PRPSAP1: variants seen among roughly 807,000 people sequenced by gnomAD.
The protein encoded by PRPSAP1 is phosphoribosyl pyrophosphate synthetase associated protein 1, also known as phosphoribosyl pyrophosphate synthase-associated protein 1.
A neutral mutation model predicts 39.4 loss-of-function variants in PRPSAP1; 31 were observed. The ratio of observed to expected loss-of-function variants is 0.79; its 90% CI spans 0.59 to 1.06. PRPSAP1 has a LOEUF of 1.06. PRPSAP1 is among the 50% of genes least tolerant of loss of function. The probability of loss-of-function intolerance (pLI) is 0.00; values close to 1 mark genes in which losing one functional copy is unlikely to be tolerated. For synonymous variants in PRPSAP1, 212 were observed against 192.6 expected (o/e 1.10, Z -0.83); for missense variants, 430 against 511.6 (o/e 0.84, Z 1.54).
chr17:76,320,146 T>C (rs911891316), intron 7 of PRPSAP1, among the ~76,000 whole-genome samples: 4 of 151,886 alleles, frequency 2.6e-5, no homozygotes, highest in African/African-American at 2.4e-5. Flanking sequence ...GGTGCATGCC[T>C]GTAATCCCAG....
chr17:76,329,364 CTGATTCTAGATAATTT>C (rs2071293917), intron 6 of PRPSAP1, among the ~76,000 whole-genome samples: 1 of 152,128 alleles, frequency 6.6e-6, no homozygotes, highest in African/African-American at 2.4e-5. Context: ...CCGCCTGGCC[CTGATTCTAGATAATTT>C]TGATTCTATC....
intron 1 of PRPSAP1, among the ~76,000 whole-genome samples, chr17:76,350,545 T>C (rs1261569074): frequency 6.6e-6 from 1 of 152,092 alleles, no homozygotes; most frequent in African/African-American, 2.4e-5. Context: ...TATGATTCTA[T>C]TTGTATGAAG....
At position 76,310,864 on chromosome 17, in the gene PRPSAP1, T is replaced by C. The variant is rs12601381; in HGVS notation, c.*678A>G. ...AGGGTGGAACCTGGGAAAGTGTTTG[T>C]GTCCAGCCACAGACCTGACTGCTGT... On this transcript the variant is annotated 3_prime_UTR_variant, in exon 10 of 10. Coordinates refer to ENST00000446526, the MANE Select transcript of PRPSAP1 (RefSeq NM_002766.3). 1.3e-5 allele frequency: 2 copies of C among 152,060 alleles called. No individual in the cohort carries two copies. The highest frequency in any genetic ancestry group is 6.6e-5 in the Admixed American group (1 of 15,248). 9.4% of individuals were successfully genotyped at this position (152,060 alleles called of 1,614,324 possible).
intron 1 of PRPSAP1, among the ~76,000 whole-genome samples, chr17:76,349,142 C>T (rs950514937): frequency 3.3e-5 from 5 of 151,770 alleles, no homozygotes; most frequent in Admixed American, 6.6e-5. Flanking sequence ...GAAACCCCGT[C>T]TAAAATACAA....
chr17:76,343,444 T>C (rs1415147455), intron 3 of PRPSAP1, among the ~76,000 whole-genome samples: 3 of 152,234 alleles, frequency 2.0e-5, no homozygotes, highest in Non-Finnish European at 4.4e-5. Flanking sequence ...GAGCAGTTTA[T>C]GCACCACACG....
intron 7 of PRPSAP1, among the ~76,000 whole-genome samples, chr17:76,320,353 A>AAGGAAGAT (rs149763636): frequency 6.7e-5 from 8 of 118,618 alleles, no homozygotes; most frequent in South Asian, 2.8e-4. Context: ...GGAAGGAAGG[A>AAGGAAGAT]AGAAAAAGGA....
In PRPSAP1 at chr17:76,324,140, C is replaced by CAA. The variant is rs34741154; in HGVS notation, c.781+4575_781+4576dup. Among the ~76,000 whole-genome samples the CAA allele has an allele frequency of 5.9e-3, 691 of 117,080 alleles. 4 individuals carry two copies. Among genetic ancestry groups the CAA allele is most frequent in the African/African-American group, 0.017 (557 of 33,654 alleles). 76.8% of individuals were successfully genotyped at this position (117,080 alleles called of 152,430 possible). A position where few individuals can be genotyped will look rare whatever the true frequency, so the allele number is the denominator to read the frequency against. ...CCTGGGCAACAGAGTGAGACTGTCT[C>CAA]AAAAAAAAAAAAAAAGAAAGTAGTT... is the stretch of plus-strand genomic sequence containing the variant. On this transcript the variant is annotated intron_variant, in intron 7 of 9. Coordinates refer to ENST00000446526, the MANE Select transcript of PRPSAP1 (RefSeq NM_002766.3).
intron 7 of PRPSAP1, among the ~76,000 whole-genome samples, chr17:76,328,301 T>C (rs976910547): frequency 2.0e-5 from 3 of 152,040 alleles, no homozygotes; most frequent in African/African-American, 7.2e-5. Context: ...TACTTAAAAC[T>C]TTCTTCAGGG....
Position 76,353,837 on chromosome 17 carries a change from T to C in PRPSAP1, c.-134A>G. On this transcript the variant is annotated 5_prime_UTR_variant, in exon 1 of 10. Transcript: ENST00000446526. ...CAAGCGGGGAGAGCTCCGAGGTCCG[T>C]GCCCTTGCGCACCCCACACCACTGA... 7.3e-7 allele frequency: 1 copy of C among 1,377,796 alleles called. No homozygotes were observed. Among genetic ancestry groups the C allele is most frequent in the East Asian group, 3.1e-5 (1 of 32,766 alleles). 85.3% of individuals were successfully genotyped at this position (1,377,796 alleles called of 1,614,324 possible). A position where few individuals can be genotyped will look rare whatever the true frequency, so the allele number is the denominator to read the frequency against.
intron 7 of PRPSAP1, among the ~76,000 whole-genome samples, chr17:76,323,944 G>A (rs1012480163): frequency 1.3e-5 from 2 of 149,408 alleles, no homozygotes; most frequent in Admixed American, 6.7e-5. Context: ...TCAGGAGTTC[G>A]AGACCAGCGT....
intron 7 of PRPSAP1, 86 bp from the exon 8 acceptor site, chr17:76,313,977 T>C (rs1220619391): frequency 1.4e-6 from 2 of 1,419,288 alleles, no homozygotes; most frequent in Middle Eastern, 1.8e-4. Flanking sequence ...CTGGAAATGG[T>C]GGCAAAACCA....
intron 7 of PRPSAP1, 132 bp downstream of exon 7, chr17:76,328,585 G>C (rs1383827546): frequency 8.4e-7 from 1 of 1,191,476 alleles, no homozygotes; most frequent in African/African-American, 1.6e-5. Flanking sequence ...CTCTAGCCTG[G>C]GTGACAGAGT....
intron 7 of PRPSAP1, among the ~76,000 whole-genome samples, chr17:76,316,856 C>T (rs1454503078): frequency 6.6e-6 from 1 of 152,222 alleles, no homozygotes; most frequent in Non-Finnish European, 1.5e-5. Flanking sequence ...GCACTGACAA[C>T]CCTCCTTACC....
intron 8 of PRPSAP1, 39 bp from the exon 9 acceptor site, chr17:76,313,055 C>T: frequency 6.2e-7 from 1 of 1,602,064 alleles, no homozygotes; most frequent in Non-Finnish European, 8.5e-7. Context: ...GAAAGAAACA[C>T]CCTCTAGCCC....
chr17:76,316,838 A>G (rs1481557213), intron 7 of PRPSAP1, among the ~76,000 whole-genome samples: 1 of 152,254 alleles, frequency 6.6e-6, no homozygotes, highest in Non-Finnish European at 1.5e-5. Flanking sequence ...TCCAAGTAAA[A>G]TAAAGCTGCA....
At chr17:76,353,494 C>A in intron 1 of PRPSAP1, 40 bp downstream of exon 1, 1 of 1,461,150 alleles carries the variant, frequency 6.8e-7, no homozygotes, top group Non-Finnish European at 9.0e-7. Context: ...GAGAGCTAGG[C>A]GCCGCCGCCC....
intron 7 of PRPSAP1, among the ~76,000 whole-genome samples, chr17:76,320,687 G>A (rs552824879): frequency 2.2e-4 from 33 of 150,776 alleles, no homozygotes; most frequent in South Asian, 1.7e-3. Context: ...CACCCACCTC[G>A]GCCTCCCAAA....
intron 1 of PRPSAP1, among the ~76,000 whole-genome samples, chr17:76,350,206 G>A (rs1284813971): frequency 2.0e-5 from 3 of 149,326 alleles, no homozygotes; most frequent in Admixed American, 2.0e-4. Flanking sequence ...TTGGGAGGCC[G>A]AGGCGGGCGG....
chr17:76,347,827 G>A (rs919468052), intron 2 of PRPSAP1, among the ~76,000 whole-genome samples: 1 of 152,092 alleles, frequency 6.6e-6, no homozygotes, highest in African/African-American at 2.4e-5. Context: ...AGCAGAGGTT[G>A]TGAGAAAGGG....
Sources: gnomAD v4.1 joint callset for allele counts (sites outside exome capture counted in the v4.1 genomes callset) on GRCh38, gnomAD v4.1.1 for gene constraint, MANE v1.5 for transcripts, NCBI Gene and HGNC (gene_info 2026-07-23, HGNC 2026-07-21) for gene names.